Variants in ROBO2 observed in about 807,000 individuals in gnomAD.
ROBO2 encodes the protein roundabout guidance receptor 2, also known as roundabout homolog 2.
In ROBO2, 53 loss-of-function variants were observed where a neutral mutation model predicts 160.8. That is an observed-to-expected ratio of 0.33 (90% CI 0.26 to 0.41). ROBO2 has a LOEUF of 0.41. Ranked by LOEUF, ROBO2 falls within the 10% of genes least tolerant of loss-of-function variation. The probability of loss-of-function intolerance (pLI) is 1.00; values close to 1 mark genes in which losing one functional copy is unlikely to be tolerated. For synonymous variants in ROBO2, 664 were observed against 611.7 expected, an observed-to-expected ratio of 1.09 and a Z score of -1.26; for missense variants, 1,577 against 1,722.4, an observed-to-expected ratio of 0.92 and a Z score of 1.49.
intron 2 of ROBO2, among the ~76,000 whole-genome samples, chr3:77,405,085 A>G (rs2076151818): frequency 6.6e-6 from 1 of 152,166 alleles, no homozygotes; most frequent in South Asian, 2.1e-4. Context: ...CTCTCTTACA[A>G]AACACTTTTG....
At chr3:76,329,758 A>G (rs1189824805) in intron 2 of ROBO2, among the ~76,000 whole-genome samples, 1 of 152,220 alleles carries the variant, frequency 6.6e-6, no homozygotes, top group African/African-American at 2.4e-5. Context: ...ATTTTGAAGT[A>G]AATTTCTTCA....
intron 2 of ROBO2, among the ~76,000 whole-genome samples, chr3:77,401,006 A>C (rs2075748053): frequency 6.6e-6 from 1 of 151,478 alleles, no homozygotes; most frequent in African/African-American, 2.4e-5. Flanking sequence ...GCAAGAATAA[A>C]AACATAGGGT....
chr3:76,724,669 TTAAAA>T (rs2093519510), intron 2 of ROBO2, among the ~76,000 whole-genome samples: 1 of 152,144 alleles, frequency 6.6e-6, no homozygotes, highest in Non-Finnish European at 1.5e-5. Flanking sequence ...CAGCAGCCAC[TTAAAA>T]TTAAATATGT....
In ROBO2 at chr3:76,650,203, A is replaced by T. The variant is rs80240934; in HGVS notation, c.110-447811A>T. Among the ~76,000 whole-genome samples, 964 of 152,272 alleles carry T rather than the reference A, an allele frequency of 6.3e-3. 8 individuals are homozygous for T. The highest frequency in any genetic ancestry group is 0.022 in the African/African-American group (909 of 41,568). On this transcript the variant is annotated intron_variant, in intron 2 of 26. Coordinates refer to the ROBO2 transcript ENST00000487694. Reference sequence around the variant, plus strand: ...AAAAAAGGAACACAAAAAATAAAAAACTGAAACCAAAGAAAACTCACTAAA... The same window carrying T: ...AAAAAAGGAACACAAAAAATAAAAATCTGAAACCAAAGAAAACTCACTAAA...
intron 2 of ROBO2, among the ~76,000 whole-genome samples, chr3:76,188,286 A>G (rs985579907): frequency 5.3e-5 from 8 of 152,100 alleles, no homozygotes; most frequent in African/African-American, 1.2e-4. Flanking sequence ...CCCTAATCCA[A>G]TATGACTTAG....
In ROBO2 at chr3:76,023,603, CACAA is replaced by C. The variant is rs372196043; in HGVS notation, c.109+86006_109+86009del. Among the ~76,000 whole-genome samples the C allele has an allele frequency of 1.8e-4, 28 of 151,504 alleles. No homozygotes were observed. In the East Asian group the frequency reaches 2.1e-3, roughly 12 times the overall value. On this transcript the variant is annotated intron_variant, in intron 2 of 26. Coordinates refer to the ROBO2 transcript ENST00000487694. Reference sequence around the variant, plus strand: ...TATATGTGCAGAGTGTATGGTGCCCCACAAACAATTACAATAGTGACATAAAAGA... The same window carrying C: ...TATATGTGCAGAGTGTATGGTGCCCCACAATTACAATAGTGACATAAAAGA...
intron 2 of ROBO2, among the ~76,000 whole-genome samples, chr3:77,365,793 A>T (rs2070772776): frequency 1.3e-5 from 2 of 152,140 alleles, no homozygotes; most frequent in Non-Finnish European, 2.9e-5. Flanking sequence ...AACATGCATG[A>T]CGTGATTTAT....
intron 1 of ROBO2, among the ~76,000 whole-genome samples, chr3:77,051,017 C>CAA (rs5850308): frequency 0.019 from 2,591 of 133,180 alleles, 31 homozygotes; most frequent in South Asian, 0.03. Flanking sequence ...GACCCTGTCT[C>CAA]AAAAAAAAAA....
intron 2 of ROBO2, among the ~76,000 whole-genome samples, chr3:76,858,800 A>G (rs1400473602): frequency 6.6e-6 from 1 of 152,238 alleles, no homozygotes; most frequent in South Asian, 2.1e-4. Flanking sequence ...GTTCAGGTGT[A>G]GGGTGAGGAA....
chr3:76,815,511 C>A (rs925004018), intron 2 of ROBO2, among the ~76,000 whole-genome samples: 1 of 151,740 alleles, frequency 6.6e-6, no homozygotes, highest in Non-Finnish European at 1.5e-5. Context: ...TTGTACCCAG[C>A]GTAGGAGTGT....
chr3:77,557,533 C>A (rs1482422879), intron 8 of ROBO2, among the ~76,000 whole-genome samples: 1 of 151,844 alleles, frequency 6.6e-6, no homozygotes, highest in African/African-American at 2.4e-5. Context: ...TCATATGATA[C>A]TTCACACACT....
At chr3:76,603,924 C>T (rs540062529) in intron 2 of ROBO2, among the ~76,000 whole-genome samples, 4 of 151,970 alleles carry the variant, frequency 2.6e-5, no homozygotes, top group African/African-American at 4.8e-5. Flanking sequence ...CAAATTGCAC[C>T]GAAAGTCTTA....
intron 2 of ROBO2, among the ~76,000 whole-genome samples, chr3:76,380,930 T>C (rs1236939383): frequency 2.6e-5 from 4 of 152,102 alleles, no homozygotes; most frequent in African/African-American, 9.7e-5. Flanking sequence ...GGCAGTATTT[T>C]TGATATTCTC....
chr3:77,556,469 AC>A (rs1404719463), intron 8 of ROBO2, among the ~76,000 whole-genome samples: 2 of 151,806 alleles, frequency 1.3e-5, no homozygotes, highest in Non-Finnish European at 2.9e-5. Context: ...TATGAAGGTA[AC>A]CTGTATCATA....
intron 2 of ROBO2, among the ~76,000 whole-genome samples, chr3:76,620,936 G>A (rs1262968088): frequency 6.6e-6 from 1 of 152,138 alleles, no homozygotes; most frequent in Non-Finnish European, 1.5e-5. Flanking sequence ...GATGTATAAA[G>A]AAATATCCAA....
chr3:76,958,942 A>G (rs1168845008), intron 2 of ROBO2, among the ~76,000 whole-genome samples: 2 of 152,128 alleles, frequency 1.3e-5, no homozygotes, highest in Non-Finnish European at 2.9e-5. Context: ...TCTCCCCACC[A>G]CTTCTCCTAG....
At chr3:76,328,482 G>C (rs149562593) in intron 2 of ROBO2, among the ~76,000 whole-genome samples, 1 of 152,098 alleles carries the variant, frequency 6.6e-6, no homozygotes, top group Non-Finnish European at 1.5e-5. Context: ...TATGTTATTA[G>C]TTTGGAGGCC....
At chr3:77,348,889 A>T (rs2067981452) in intron 2 of ROBO2, among the ~76,000 whole-genome samples, 1 of 151,786 alleles carries the variant, frequency 6.6e-6, no homozygotes, top group African/African-American at 2.4e-5. Context: ...GCTCTGCTTC[A>T]TTATCTTTTC....
At chr3:77,277,212 C>CTTTCTTGTCTTTCTTTCTTTCTTTCT (rs762489739) in intron 2 of ROBO2, among the ~76,000 whole-genome samples, 1 of 80,054 alleles carries the variant, frequency 1.2e-5, no homozygotes, top group African/African-American at 5.0e-5. Flanking sequence ...TTCTTTCTTT[C>CTTTCTTGTCTTTCTTTCTTTCTTTCT]TTCTTTCTTT....
Sources: allele counts gnomAD v4.1 joint callset (sites outside exome capture counted in the v4.1 genomes callset), GRCh38; gene constraint gnomAD v4.1.1; transcripts MANE v1.5; gene names NCBI Gene and HGNC (gene_info 2026-07-23, HGNC 2026-07-21).